CC2D1A: variants seen among roughly 807,000 people sequenced by gnomAD.
CC2D1A encodes the protein coiled-coil and C2 domain-containing protein 1A.
In CC2D1A, 68 loss-of-function variants were observed where a neutral mutation model predicts 123.8. The ratio of observed to expected loss-of-function variants is 0.55; its 90% confidence interval spans 0.45 to 0.67. The LOEUF is 0.67. Among genes scored for constraint, CC2D1A ranks in the 30% least tolerant of loss-of-function variants. CC2D1A has a pLI of 0.00. For missense variants in CC2D1A, 1,185 were observed against 1,290.3 expected (o/e 0.92, Z 1.25); for synonymous variants, 477 against 528.0 (o/e 0.90, Z 1.32).
intron 12 of CC2D1A, 54 bp from the exon 13 acceptor site, chr19:13,920,503 T>A: frequency 9.6e-7 from 1 of 1,046,398 alleles, no homozygotes; most frequent in Non-Finnish European, 1.5e-6. Flanking sequence ...CCTTGGGGAC[T>A]GGACTCATCA....
At chr19:13,929,139 G>A (rs954773229) in intron 24 of CC2D1A, among the ~76,000 whole-genome samples, 34 of 151,208 alleles carry the variant, frequency 2.2e-4, no homozygotes, top group Non-Finnish European at 1.0e-4. Context: ...AAGTAGCTGG[G>A]ACTACAGGAG....
Position 13,912,636 on chromosome 19 carries a change from G to A in CC2D1A, c.378+43G>A, listed in dbSNP as rs779099655. The A allele has an allele frequency of 4.4e-6, 7 of 1,598,542 alleles. No homozygotes were observed. The South Asian group carries it at 4.4e-5, about 10-fold the overall frequency. ...CCACTCCCTTGAACCACAACCCAAC[G>A]GACAGCCCGGGGTTCAAGACCTAGC... On this transcript the variant is annotated intron_variant, in intron 4 of 28. Transcript: ENST00000318003.
rs1471611093 is a variant in CC2D1A, at chr19:13,919,865, A to T, written c.1270A>T (p.Ser424Cys). The T allele has an allele frequency of 1.2e-6, 2 of 1,612,474 alleles. No homozygotes were observed. Among genetic ancestry groups the T allele is most frequent in the Admixed American group, 1.7e-5 (1 of 59,974 alleles). The part of the protein sequence containing the change: ...GLEATKPTQQ[S>C]LVGVLETAMK... The stretch of plus-strand genomic sequence containing the variant: ...GGAGGCCACCAAGCCCACCCAGCAG[A>T]GTCTGGTGGGTGTCCTGGAGACTGC... The change falls in exon 12 of 29, where the codon AGT (serine) becomes TGT (cysteine). Residue 424 changes from serine (S) to cysteine (C), a missense_variant. Physicochemically the swap from Ser to Cys is moderately radical, Grantham distance 112. Transcript: ENST00000318003.
chr19:13,910,102 C>A, intron 2 of CC2D1A, 144 bp downstream of exon 2: 208 of 693,838 alleles, frequency 3.0e-4, no homozygotes, highest in Middle Eastern at 4.4e-4. Flanking sequence ...GTAAGAGAGT[C>A]AAGATCGACT....
chr19:13,923,518 C>T lies in CC2D1A; in HGVS notation c.1765-30C>T, dbSNP rs1971483831. The T allele has an allele frequency of 1.2e-6, 2 of 1,613,896 alleles. No individual in the cohort carries two copies. Among genetic ancestry groups the T allele is most frequent in the Non-Finnish European group, 1.7e-6 (2 of 1,179,936 alleles). On this transcript the variant is annotated intron_variant, in intron 15 of 28. Coordinates refer to ENST00000318003, the MANE Select transcript of CC2D1A (RefSeq NM_017721.5). The surrounding 1 kb of genome is among the most constrained non-coding windows in gnomAD (Gnocchi z 5.3). ...GACCCTCCTTCCCCTCTCTTCCCTTCCCTCGACTCACTGCCTTCTGTTTCC... is the reference window on the plus strand; with the variant it reads ...GACCCTCCTTCCCCTCTCTTCCCTTTCCTCGACTCACTGCCTTCTGTTTCC...
At chr19:13,911,792 C>T (rs1046582662) in intron 2 of CC2D1A, among the ~76,000 whole-genome samples, 6 of 150,338 alleles carry the variant, frequency 4.0e-5, no homozygotes, top group South Asian at 2.1e-4. Context: ...CTTGGCTCAC[C>T]GCAAGCTCCG....
chr19:13,912,904 C>T (rs775795918), intron 4 of CC2D1A, among the ~76,000 whole-genome samples: 22 of 152,236 alleles, frequency 1.4e-4, no homozygotes, highest in Non-Finnish European at 3.1e-4. Context: ...CCTTGGCCTC[C>T]CAAAGTGTTG....
chr19:13,926,434 G>C, intron 17 of CC2D1A, 83 bp from the exon 18 acceptor site: 1 of 1,344,480 alleles, frequency 7.4e-7, no homozygotes, highest in South Asian at 1.2e-5. Flanking sequence ...GCCCCCACTG[G>C]GGGAAGAGAA....
rs1163762923 is a variant in CC2D1A at position 13,920,548 on chromosome 19, C to T, written c.1357-9C>T. The stretch of plus-strand genomic sequence containing the variant: ...CGAAATCTCTAACATCCTCTCTCTT[C>T]CTCTACAGCAGAACAGCCCTGTGGC... On this transcript the variant is annotated splice_polypyrimidine_tract_variant and intron_variant, in intron 12 of 28. Coordinates refer to ENST00000318003, the MANE Select transcript of CC2D1A (RefSeq NM_017721.5). 4.6e-6 allele frequency: 7 copies of T among 1,514,326 alleles called. No individual in the cohort carries two copies. In the South Asian group the frequency reaches 5.7e-5, roughly 12 times the overall value. The allele number at this position is 1,514,326 out of a possible 1,614,324, so 93.8% of individuals were successfully genotyped here. A position where few individuals can be genotyped will look rare whatever the true frequency, so the allele number is the denominator to read the frequency against.
In CC2D1A at chr19:13,919,058, CG is replaced by C. The variant is rs779027616; in HGVS notation, c.1149+21del. On this transcript the variant is annotated intron_variant, in intron 10 of 28. Coordinates refer to ENST00000318003, the MANE Select transcript of CC2D1A (RefSeq NM_017721.5). ...CATCGTCAAGGTGCCCTGGGGGTTC[CG>C]GGGGAGGTGGGGCGAGTGGGCAGCC... The C allele has an allele frequency of 3.1e-6, 5 of 1,601,124 alleles. No homozygotes were observed. The highest frequency in any genetic ancestry group is 4.3e-6 in the Non-Finnish European group (5 of 1,171,922).
chr19:13,919,708 G>T, intron 11 of CC2D1A, 110 bp from the exon 12 acceptor site: 1 of 1,137,698 alleles, frequency 8.8e-7, no homozygotes, highest in Non-Finnish European at 1.2e-6. Flanking sequence ...ATTAAAAAAA[G>T]TAAAGGCCCA....
At chr19:13,926,435 G>C in intron 17 of CC2D1A, 82 bp from the exon 18 acceptor site, 2 of 1,352,324 alleles carry the variant, frequency 1.5e-6, no homozygotes, top group Non-Finnish European at 2.1e-6. Flanking sequence ...CCCCCACTGG[G>C]GGAAGAGAAG....
In CC2D1A at chr19:13,927,947, C is replaced by T. The variant is rs770334835; in HGVS notation, c.2371C>T (p.Arg791Trp). The change falls in exon 23 of 29, where the codon CGG becomes TGG. Residue 791 changes from arginine (R) to tryptophan (W), a missense_variant. Transcript: ENST00000318003. ...GGRLEVMVRI[R>W]EPLTAQQLET... The stretch of plus-strand genomic sequence containing the variant: ...GCGACTGGAGGTAATGGTCCGGATT[C>T]GGGAGCCACTGACAGCCCAGCAGTT... 5.6e-6 allele frequency: 9 copies of T among 1,613,526 alleles called. No individual in the cohort carries two copies. Among genetic ancestry groups the T allele is most frequent in the South Asian group, 1.1e-5 (1 of 91,082 alleles).
In CC2D1A at chr19:13,923,480, C is replaced by A; in HGVS notation, c.1764+25C>A. 1 of 1,614,064 alleles carries A rather than the reference C, an allele frequency of 6.2e-7. No individual in the cohort carries two copies. The highest frequency in any genetic ancestry group is 8.5e-7 in the Non-Finnish European group (1 of 1,179,948). Reference sequence around the variant, plus strand: ...GGTGAGGGGGAGGCCCCCAGCCCATCCCCCAGGAGCGTGACCCTCCTTCCC... The same window carrying A: ...GGTGAGGGGGAGGCCCCCAGCCCATACCCCAGGAGCGTGACCCTCCTTCCC... On this transcript the variant is annotated intron_variant, in intron 15 of 28. Coordinates refer to ENST00000318003, the MANE Select transcript of CC2D1A (RefSeq NM_017721.5). The surrounding 1 kb of genome is among the most constrained non-coding windows in gnomAD (Gnocchi z 5.3).
Position 13,926,733 on chromosome 19 carries a change from G to A in CC2D1A, c.2073+8G>A, listed in dbSNP as rs1971657517. ...TTCCCCTATCCCAACGTGGTACGTG[G>A]GGAGCTGAGGAGGGGAGGGCTGCAG... is the stretch of plus-strand genomic sequence containing the variant. On this transcript the variant is annotated splice_region_variant and intron_variant, in intron 19 of 28. Transcript: ENST00000318003. The A allele has an allele frequency of 6.2e-7, 1 of 1,614,144 alleles. No homozygotes were observed. The highest frequency in any genetic ancestry group is 1.1e-5 in the South Asian group (1 of 91,084).
In CC2D1A at chr19:13,913,586, T is replaced by G. The variant is rs534160840; in HGVS notation, c.696T>G (p.Ser232=). 1.3e-4 allele frequency: 203 copies of G among 1,613,810 alleles called. 1 individual carries two copies. The South Asian group carries it at 2.2e-3, about 17-fold the overall frequency. Residue 232 remains serine (S), a synonymous_variant, in exon 6 of 29, where the codon TCT becomes TCG. Transcript: ENST00000318003. ...CCAGGGTCACCCTGGAGGGACCTTCTGCCACCGCCCCAGCCTCATCTCCAG... is the reference window on the plus strand; with the variant it reads ...CCAGGGTCACCCTGGAGGGACCTTCGGCCACCGCCCCAGCCTCATCTCCAG... The part of the protein sequence containing the change: ...PEPRVTLEGP[S]ATAPASSPGL...
Position 13,926,739 on chromosome 19 carries a change from T to C in CC2D1A, c.2073+14T>C. The C allele has an allele frequency of 1.2e-6, 2 of 1,614,116 alleles. No homozygotes were observed. Among genetic ancestry groups the C allele is most frequent in the Non-Finnish European group, 1.7e-6 (2 of 1,180,002 alleles). ...TATCCCAACGTGGTACGTGGGGAGC[T>C]GAGGAGGGGAGGGCTGCAGCCTCAG... On this transcript the variant is annotated intron_variant, in intron 19 of 28. Coordinates refer to ENST00000318003, the MANE Select transcript of CC2D1A (RefSeq NM_017721.5).
intron 6 of CC2D1A, among the ~76,000 whole-genome samples, chr19:13,916,623 AATAATT>A (rs1200371717): frequency 6.6e-6 from 1 of 152,208 alleles, no homozygotes; most frequent in Admixed American, 6.6e-5. Context: ...ACATGCTAGT[AATAATT>A]ATAACAATAA....
At position 13,930,204 on chromosome 19, in the gene CC2D1A, C is replaced by T; in HGVS notation, c.2788-38C>T. 1 of 1,613,650 alleles carries T rather than the reference C, an allele frequency of 6.2e-7. No homozygotes were observed. Among genetic ancestry groups the T allele is most frequent in the Non-Finnish European group, 8.5e-7 (1 of 1,179,720 alleles). ...GCACTGGGCAGCGGGCAGGGTGGGG[C>T]CTGCAGGGACTACCTGCTGAATGCC... On this transcript the variant is annotated intron_variant, in intron 27 of 28. Transcript: ENST00000318003. This position sits in a 1 kb window ranked among gnomAD's most constrained non-coding sequence, Gnocchi z 6.8.
Sources: gnomAD v4.1 joint callset for allele counts (sites outside exome capture counted in the v4.1 genomes callset) on GRCh38, gnomAD v4.1.1 for gene constraint, Gnocchi (gnomAD v3.1) non-coding constraint, MANE v1.5 for transcripts, NCBI Gene and HGNC (gene_info 2026-07-23, HGNC 2026-07-21) for gene names.